The following RAB40B variants were observed in gnomAD, a reference collection of about 807,000 sequenced individuals.
The protein encoded by RAB40B is RAB40B, member RAS oncogene family, also known as ras-related protein Rab-40B.
In RAB40B, 21 loss-of-function variants were observed where a neutral mutation model predicts 24.0. That is an observed-to-expected ratio of 0.88 (90% CI 0.62 to 1.26). RAB40B has a LOEUF of 1.26. Among genes scored for constraint, RAB40B ranks in the 50% most tolerant of loss-of-function variants. RAB40B has a pLI of 0.00. For missense variants in RAB40B, 348 were observed against 390.5 expected (o/e 0.89, Z 0.92); for synonymous variants, 167 against 169.8 (o/e 0.98, Z 0.13).
In RAB40B at chr17:82,697,075, AGAGACTCCCCCGCATGC is replaced by A. The variant is rs2143569116; in HGVS notation, c.142+1363_142+1379del. On this transcript the variant is annotated intron_variant, in intron 1 of 5. Coordinates refer to ENST00000571995, the MANE Select transcript of RAB40B (RefSeq NM_006822.3). This position sits in a 1 kb window ranked among gnomAD's most constrained non-coding sequence, Gnocchi z 4.9. ...GCACACTCTGCACCCACCAGCTGCC[AGAGACTCCCCCGCATGC>A]TGCAGTTTCAGGAGGCCTCTGGGTG... Among the ~76,000 whole-genome samples the A allele has an allele frequency of 6.6e-6, 1 of 152,046 alleles. No individual in the cohort carries two copies. Among genetic ancestry groups the A allele is most frequent in the African/African-American group, 2.4e-5 (1 of 41,476 alleles).
intron 5 of RAB40B, 76 bp from the exon 6 acceptor site, chr17:82,658,210 T>C: frequency 1.9e-6 from 3 of 1,545,000 alleles, no homozygotes; most frequent in African/African-American, 2.7e-5. Flanking sequence ...TGCCCACACC[T>C]GTTCTCCCGC....
chr17:82,694,533 GA>G (rs914023824), intron 1 of RAB40B, among the ~76,000 whole-genome samples: 14 of 144,048 alleles, frequency 9.7e-5, no homozygotes, highest in South Asian at 2.2e-4. Flanking sequence ...CTACATCTAA[GA>G]AAAAAAAAAT....
intron 1 of RAB40B, among the ~76,000 whole-genome samples, chr17:82,681,023 A>C (rs2046444123): frequency 3.8e-4 from 1 of 2,628 alleles, no homozygotes; most frequent in Non-Finnish European, 1.1e-3. Context: ...TCCATCTCAA[A>C]AAAAAAAAAA....
chr17:82,671,317 ACACT>A (rs1281245510), intron 1 of RAB40B, among the ~76,000 whole-genome samples: 49 of 151,344 alleles, frequency 3.2e-4, no homozygotes, highest in African/African-American at 9.9e-4. Flanking sequence ...TAACTCTAAC[ACACT>A]CACACGCTCT....
At position 82,675,127 on chromosome 17, in the gene RAB40B, C is replaced by G. The variant is rs552379314; in HGVS notation, c.143-10571G>C. Among the ~76,000 whole-genome samples the G allele has an allele frequency of 6.6e-6, 1 of 152,312 alleles. No individual in the cohort carries two copies. Among genetic ancestry groups the G allele is most frequent in the African/African-American group, 2.4e-5 (1 of 41,572 alleles). ...AAACTGGGAAAAGCTACAAAGGATG[C>G]ATTTTCACATCTTCCCCAAGCAAAG... On this transcript the variant is annotated intron_variant, in intron 1 of 5. Transcript: ENST00000571995. This position sits in a 1 kb window ranked among gnomAD's most constrained non-coding sequence, Gnocchi z 4.5.
chr17:82,656,317 C>T lies in RAB40B; in HGVS notation c.*1546G>A, dbSNP rs1188336993. On this transcript the variant is annotated 3_prime_UTR_variant, in exon 6 of 6. Coordinates refer to ENST00000571995, the MANE Select transcript of RAB40B (RefSeq NM_006822.3). ...GGAACATCTGGGTATTTTCTCGCTT[C>T]GTTTTTTTGGTTTAGTCCCTCATTT... 3.9e-5 allele frequency: 6 copies of T among 152,122 alleles called. No individual in the cohort carries two copies. Among genetic ancestry groups the T allele is most frequent in the African/African-American group, 7.2e-5 (3 of 41,418 alleles). The allele number at this position is 152,122 out of a possible 1,614,324, so 9.4% of individuals were successfully genotyped here. A position where few individuals can be genotyped will look rare whatever the true frequency, so the allele number is the denominator to read the frequency against.
Position 82,657,957 on chromosome 17 carries a change from G to A in RAB40B, c.743C>T (p.Thr248Ile). The A allele has an allele frequency of 6.2e-7, 1 of 1,614,184 alleles. No homozygotes were observed. The stretch of plus-strand genomic sequence containing the variant: ...TTTGCGGAGGCTGCTCCTTTTGTGG[G>A]TGGAGCTGGTGGTGAGGGAGTAGGA... ...GGSYSLTTSSTHKRSSLRKVK... is the reference protein window; with the variant it reads ...GGSYSLTTSSIHKRSSLRKVK... The change falls in exon 6 of 6, where the codon ACC (threonine) becomes ATC (isoleucine). Residue 248 changes from threonine to isoleucine, a missense_variant. By Grantham distance (89) the Thr-to-Ile change is moderately conservative. Coordinates refer to ENST00000571995, the MANE Select transcript of RAB40B (RefSeq NM_006822.3).
rs2046110424 is a variant in RAB40B at position 82,658,141 on chromosome 17, A to ACCC, written c.566-8_566-7insGGG. The ACCC allele has an allele frequency of 6.2e-7, 1 of 1,611,834 alleles. No individual in the cohort carries two copies. The highest frequency in any genetic ancestry group is 1.3e-5 in the African/African-American group (1 of 74,848). ...AGGTCTTGCAAGCTCAGCACTTGGGAGAGAAAAGATAAACCTTGCTTAGTG... is the reference window on the plus strand; with the variant it reads ...AGGTCTTGCAAGCTCAGCACTTGGGACCCGAGAAAAGATAAACCTTGCTTAGTG... On this transcript the variant is annotated splice_polypyrimidine_tract_variant and splice_region_variant and intron_variant, in intron 5 of 5. Coordinates refer to ENST00000571995, the MANE Select transcript of RAB40B (RefSeq NM_006822.3).
intron 3 of RAB40B, among the ~76,000 whole-genome samples, chr17:82,660,179 T>G (rs1340231705): frequency 6.6e-6 from 1 of 151,184 alleles, no homozygotes; most frequent in South Asian, 2.1e-4. Flanking sequence ...TGCACACATG[T>G]TGCATACACA....
intron 2 of RAB40B, 126 bp downstream of exon 2, chr17:82,664,370 G>T: frequency 1.1e-6 from 1 of 891,582 alleles, no homozygotes; most frequent in South Asian, 1.6e-5. Context: ...GTGTTCCCGG[G>T]GGCGCTGTGC....
In RAB40B at chr17:82,656,226, G is replaced by A. The variant is rs550064013; in HGVS notation, c.*1637C>T. 5 of 152,260 alleles carry A rather than the reference G, an allele frequency of 3.3e-5. 1 individual carries two copies. The highest frequency in any genetic ancestry group is 1.2e-4 in the African/African-American group (5 of 41,540). The allele number at this position is 152,260 out of a possible 1,614,324, so 9.4% of individuals were successfully genotyped here. On this transcript the variant is annotated 3_prime_UTR_variant, in exon 6 of 6. Transcript: ENST00000571995. ...CTCCTGAAGTGCTGGGATTACAGGT[G>A]TGAGCCATCACACCCAGCTGGGTCC...
At chr17:82,682,797 T>C (rs1284238788) in intron 1 of RAB40B, among the ~76,000 whole-genome samples, 2 of 152,180 alleles carry the variant, frequency 1.3e-5, no homozygotes, top group African/African-American at 4.8e-5. Context: ...CTGGAACAAT[T>C]AGACATCCCT....
intron 1 of RAB40B, among the ~76,000 whole-genome samples, chr17:82,690,074 T>C (rs2046540296): frequency 6.6e-6 from 1 of 152,204 alleles, no homozygotes; most frequent in Admixed American, 6.5e-5. Flanking sequence ...TTGAAAGTGA[T>C]GACTTTATAA....
intron 1 of RAB40B, among the ~76,000 whole-genome samples, chr17:82,668,785 A>G (rs1482954251): frequency 6.6e-6 from 1 of 152,242 alleles, no homozygotes; most frequent in African/African-American, 2.4e-5. Flanking sequence ...GCCCCAGGGC[A>G]GCGGGCCGCG....
At chr17:82,671,548 C>T (rs111171460) in intron 1 of RAB40B, among the ~76,000 whole-genome samples, 1 of 94,876 alleles carries the variant, frequency 1.1e-5, no homozygotes, top group African/African-American at 3.8e-5. Flanking sequence ...TCACACGCTC[C>T]CTGTACTCAC....
At chr17:82,668,506 T>C (rs528670573) in intron 1 of RAB40B, among the ~76,000 whole-genome samples, 2 of 152,282 alleles carry the variant, frequency 1.3e-5, no homozygotes, top group East Asian at 3.9e-4. Context: ...CCCTCAGCCC[T>C]CCCTCAGCTT....
chr17:82,685,251 A>AGG (rs1327456862), intron 1 of RAB40B, among the ~76,000 whole-genome samples: 2 of 22,254 alleles, frequency 9.0e-5, no homozygotes, highest in Non-Finnish European at 1.8e-4. Context: ...AGGGAGGGGG[A>AGG]GGGGGAAGTG....
intron 1 of RAB40B, among the ~76,000 whole-genome samples, chr17:82,682,881 A>T (rs1371096899): frequency 6.6e-6 from 1 of 152,222 alleles, no homozygotes; most frequent in Non-Finnish European, 1.5e-5. Flanking sequence ...ACGGTGACTC[A>T]TGCCTGCAAT....
chr17:82,671,632 A>G (rs1409329640), intron 1 of RAB40B, among the ~76,000 whole-genome samples: 1 of 82,126 alleles, frequency 1.2e-5, no homozygotes, highest in Admixed American at 1.5e-4. Flanking sequence ...CTCACCCCGT[A>G]ACTCTAACAC....
Sources: allele counts gnomAD v4.1 joint callset (sites outside exome capture counted in the v4.1 genomes callset), GRCh38; gene constraint gnomAD v4.1.1; non-coding constraint Gnocchi (gnomAD v3.1); transcripts MANE v1.5; gene names NCBI Gene and HGNC (gene_info 2026-07-23, HGNC 2026-07-21).